The following TTC8 variants were observed in gnomAD, a reference collection of about 807,000 sequenced individuals.
The protein encoded by TTC8 is tetratricopeptide repeat protein 8.
A neutral mutation model predicts 72.5 loss-of-function variants in TTC8; 47 were observed. The ratio of observed to expected loss-of-function variants is 0.65; its 90% CI spans 0.51 to 0.83. TTC8 has a LOEUF of 0.83. TTC8 is among the 40% of genes least tolerant of loss of function. The pLI is 0.00. For missense variants in TTC8, 611 were observed against 623.2 expected (o/e 0.98, Z 0.21); for synonymous variants, 199 against 221.4 (o/e 0.90, Z 0.90).
intron 7 of TTC8, among the ~76,000 whole-genome samples, chr14:88,847,940 T>C (rs184108843): frequency 8.3e-4 from 126 of 152,018 alleles, no homozygotes; most frequent in African/African-American, 2.9e-3. Flanking sequence ...CTGGACAACA[T>C]GGTGAAACTC....
At chr14:88,863,936 TCTTC>T (rs1314717149) in intron 10 of TTC8, among the ~76,000 whole-genome samples, 2 of 152,210 alleles carry the variant, frequency 1.3e-5, no homozygotes, top group Non-Finnish European at 2.9e-5. Context: ...TGGTTTCATC[TCTTC>T]CTTTCAATTA....
chr14:88,834,259 G>T (rs2094739615), intron 2 of TTC8, among the ~76,000 whole-genome samples: 1 of 152,202 alleles, frequency 6.6e-6, no homozygotes, highest in Non-Finnish European at 1.5e-5. Flanking sequence ...GAGGCAGCTA[G>T]AGCCTTGCTA....
chr14:88,840,216 T>G, intron 3 of TTC8: 1 of 156,408 alleles, frequency 6.4e-6, no homozygotes, highest in Non-Finnish European at 1.4e-5. Context: ...TCATTACAGA[T>G]TTCTTTGTTC....
rs766005336 is a variant in TTC8, at chr14:88,841,169, C to T, written c.462C>T (p.Ser154=). ...TAYTARPITS[S]SGRFVRLGTA... is the part of the protein sequence containing the mutation. ...ACACAGCCCGCCCTATCACCAGCTC[C>T]TCCGGAAGATTTGTCAGGCTGGGAA... is the stretch of plus-strand genomic sequence containing the variant. The change falls in exon 5 of 15, where the codon TCC becomes TCT. Residue 154 remains serine (S), a synonymous_variant. Transcript: ENST00000380656. The T allele has an allele frequency of 6.2e-7, 1 of 1,613,976 alleles. No homozygotes were observed. The highest frequency in any genetic ancestry group is 8.5e-7 in the Non-Finnish European group (1 of 1,180,028).
chr14:88,877,512 A>T lies in TTC8; in HGVS notation c.*102A>T. On this transcript the variant is annotated 3_prime_UTR_variant, in exon 15 of 15. Transcript: ENST00000380656. Reference sequence around the variant, plus strand: ...GTATATAGTGTAATACGTATATTTTAACAAACCTGTCCTTGATATTAGTTA... The same window carrying T: ...GTATATAGTGTAATACGTATATTTTTACAAACCTGTCCTTGATATTAGTTA... 2 of 947,796 alleles carry T rather than the reference A, an allele frequency of 2.1e-6. No individual in the cohort carries two copies. The highest frequency in any genetic ancestry group is 2.6e-5 in the South Asian group (2 of 76,036). The allele number at this position is 947,796 out of a possible 1,614,324, so 58.7% of individuals were successfully genotyped here.
intron 9 of TTC8, among the ~76,000 whole-genome samples, chr14:88,859,625 A>G (rs1222065812): frequency 2.0e-5 from 3 of 151,924 alleles, no homozygotes; most frequent in Admixed American, 1.3e-4. Context: ...GAGTTTACCT[A>G]TATAACAAAC....
intron 8 of TTC8, 39 bp downstream of exon 8, chr14:88,853,095 C>G (rs1027868341): frequency 6.7e-7 from 1 of 1,491,488 alleles, no homozygotes; most frequent in Non-Finnish European, 9.3e-7. Flanking sequence ...GAAGTGGCCA[C>G]GTATTTTAGG....
intron 2 of TTC8, among the ~76,000 whole-genome samples, chr14:88,838,693 A>G (rs1323291716): frequency 1.3e-5 from 2 of 152,220 alleles, no homozygotes; most frequent in Non-Finnish European, 2.9e-5. Flanking sequence ...AATGGTGTAC[A>G]TGTTTACATT....
chr14:88,839,632 A>G, intron 3 of TTC8, 60 bp downstream of exon 3: 3 of 1,570,558 alleles, frequency 1.9e-6, no homozygotes, highest in Non-Finnish European at 2.6e-6. Flanking sequence ...AATACTGTGT[A>G]TAAGAGGAAT....
intron 9 of TTC8, among the ~76,000 whole-genome samples, chr14:88,859,112 T>G (rs1435986230): frequency 6.6e-6 from 1 of 152,146 alleles, no homozygotes; most frequent in Non-Finnish European, 1.5e-5. Flanking sequence ...CCTACACAAC[T>G]ATATAGAGGT....
chr14:88,870,586 T>G (rs1196351494), intron 11 of TTC8, among the ~76,000 whole-genome samples: 1 of 152,226 alleles, frequency 6.6e-6, no homozygotes, highest in Non-Finnish European at 1.5e-5. Context: ...TGGCCTCATG[T>G]TCTGAACCTT....
chr14:88,847,327 A>T (rs2094811782), intron 7 of TTC8, among the ~76,000 whole-genome samples: 1 of 152,192 alleles, frequency 6.6e-6, no homozygotes, highest in Non-Finnish European at 1.5e-5. Context: ...ACAAAACAAG[A>T]GGGAGGTGTG....
intron 2 of TTC8, among the ~76,000 whole-genome samples, chr14:88,838,351 G>A (rs1289966160): frequency 6.6e-6 from 1 of 152,144 alleles, no homozygotes; most frequent in African/African-American, 2.4e-5. Flanking sequence ...GGTGCTCAAT[G>A]AATATATATA....
chr14:88,866,918 G>A (rs1267245307), intron 10 of TTC8, among the ~76,000 whole-genome samples: 1 of 152,116 alleles, frequency 6.6e-6, no homozygotes, highest in African/African-American at 2.4e-5. Context: ...ATATGAATTG[G>A]CAGTTCACTG....
chr14:88,828,107 T>A lies in TTC8; in HGVS notation c.114+3286T>A, dbSNP rs555478616. Among the ~76,000 whole-genome samples, 66 of 152,352 alleles carry A rather than the reference T, an allele frequency of 4.3e-4. No individual in the cohort carries two copies. The East Asian group carries it at 0.012, about 28-fold the overall frequency. On this transcript the variant is annotated intron_variant, in intron 1 of 14. Transcript: ENST00000380656. ...CCCATCCTTAATTCTCAGCACCATATGTTCTTAAATGTACACTTACTTTTT... is the reference window on the plus strand; with the variant it reads ...CCCATCCTTAATTCTCAGCACCATAAGTTCTTAAATGTACACTTACTTTTT...
chr14:88,833,885 A>G, intron 2 of TTC8, 163 bp downstream of exon 2: 1 of 668,716 alleles, frequency 1.5e-6, no homozygotes, highest in Middle Eastern at 3.9e-4. Flanking sequence ...ATAAATGATT[A>G]TATTTTCAAT....
chr14:88,853,534 G>A (rs1031543912), intron 8 of TTC8, among the ~76,000 whole-genome samples: 4 of 152,106 alleles, frequency 2.6e-5, no homozygotes, highest in African/African-American at 7.2e-5. Context: ...AGTGGCTATC[G>A]TTAGTCCTTT....
chr14:88,866,640 A>G (rs927818994), intron 10 of TTC8, among the ~76,000 whole-genome samples: 2 of 152,080 alleles, frequency 1.3e-5, no homozygotes, highest in African/African-American at 2.4e-5. Context: ...GGTGACACCT[A>G]TTTGGAAGAA....
At position 88,875,762 on chromosome 14, in the gene TTC8, A is replaced by G. The variant is rs570497998; in HGVS notation, c.1431+653A>G. On this transcript the variant is annotated intron_variant, in intron 14 of 14. Transcript: ENST00000380656. ...GATATTTATAAAGATGTTATTCTTCATAGCATAAATATGAAGTCATCTACA... is the reference window on the plus strand; with the variant it reads ...GATATTTATAAAGATGTTATTCTTCGTAGCATAAATATGAAGTCATCTACA... Among the ~76,000 whole-genome samples, 5 of 151,934 alleles carry G rather than the reference A, an allele frequency of 3.3e-5. No individual in the cohort carries two copies. The East Asian group carries it at 7.7e-4, about 23-fold the overall frequency.
Sources: allele counts gnomAD v4.1 joint callset (sites outside exome capture counted in the v4.1 genomes callset), GRCh38; gene constraint gnomAD v4.1.1; transcripts MANE v1.5; gene names NCBI Gene and HGNC (gene_info 2026-07-23, HGNC 2026-07-21).